Variants in BBX observed in about 807,000 individuals in gnomAD.
BBX encodes BBX high mobility group box domain containing, also known as HMG box transcription factor BBX.
In BBX, 30 loss-of-function variants were observed where a neutral mutation model predicts 100.2. That is an observed-to-expected ratio of 0.30 (90% confidence interval 0.22 to 0.41). BBX has a LOEUF of 0.41. Among genes scored for constraint, BBX ranks in the 10% least tolerant of loss-of-function variants. The pLI is 1.00. For synonymous variants in BBX, 376 were observed against 388.1 expected (o/e 0.97, Z 0.37); for missense variants, 1,023 against 1,129.8 (o/e 0.91, Z 1.35).
intron 17 of BBX, 91 bp from the exon 18 acceptor site, chr3:107,805,279 A>G (rs1027613878): frequency 7.4e-7 from 1 of 1,357,376 alleles, no homozygotes. Context: ...CTGTTAAACA[A>G]GATATTGGAA....
intron 2 of BBX, among the ~76,000 whole-genome samples, chr3:107,544,815 C>T (rs1282361853): frequency 1.4e-5 from 2 of 145,980 alleles, no homozygotes; most frequent in Non-Finnish European, 1.5e-5. Context: ...ACCATCCTGG[C>T]TAACACAGTG....
intron 2 of BBX, among the ~76,000 whole-genome samples, chr3:107,592,528 A>T (rs1203172394): frequency 1.3e-5 from 2 of 152,282 alleles, no homozygotes; most frequent in African/African-American, 4.8e-5. Flanking sequence ...AATACAAGGA[A>T]ATTTTAGGGA....
intron 3 of BBX, among the ~76,000 whole-genome samples, chr3:107,656,599 T>G (rs1296966086): frequency 6.6e-6 from 1 of 152,228 alleles, no homozygotes; most frequent in African/African-American, 2.4e-5. Flanking sequence ...GTGCTCTGGA[T>G]CGTTATCCCT....
chr3:107,586,146 A>G (rs931148431), intron 2 of BBX, among the ~76,000 whole-genome samples: 1 of 152,216 alleles, frequency 6.6e-6, no homozygotes, highest in Non-Finnish European at 1.5e-5. Flanking sequence ...GGCTAAGATA[A>G]TTCACCCACA....
At chr3:107,528,993 G>A (rs1418717159) in intron 2 of BBX, among the ~76,000 whole-genome samples, 3 of 152,072 alleles carry the variant, frequency 2.0e-5, no homozygotes, top group Non-Finnish European at 2.9e-5. Context: ...ATCTTTAATA[G>A]AAATGGTAAA....
chr3:107,737,902 T>G (rs922264511), intron 7 of BBX, among the ~76,000 whole-genome samples: 7 of 143,036 alleles, frequency 4.9e-5, no homozygotes, highest in African/African-American at 1.5e-4. Flanking sequence ...TTTTTTTTTT[T>G]TTTTTTTTTT....
chr3:107,698,098 G>A (rs2060780347), intron 3 of BBX, among the ~76,000 whole-genome samples: 1 of 151,640 alleles, frequency 6.6e-6, no homozygotes, highest in Non-Finnish European at 1.5e-5. Flanking sequence ...CCACTGAATG[G>A]CACTCCCTAG....
At chr3:107,693,224 T>C (rs2108098337) in intron 3 of BBX, among the ~76,000 whole-genome samples, 1 of 151,894 alleles carries the variant, frequency 6.6e-6, no homozygotes, top group African/African-American at 2.4e-5. Flanking sequence ...TTGACAATTT[T>C]GGCTTTTGTT....
intron 7 of BBX, among the ~76,000 whole-genome samples, chr3:107,739,925 T>C (rs553152086): frequency 6.6e-6 from 1 of 152,308 alleles, no homozygotes; most frequent in South Asian, 2.1e-4. Flanking sequence ...GAGTCTGTTC[T>C]GGACTTTCAT....
intron 2 of BBX, among the ~76,000 whole-genome samples, chr3:107,588,291 T>G (rs2107581426): frequency 6.7e-6 from 1 of 149,988 alleles, no homozygotes; most frequent in South Asian, 2.1e-4. Flanking sequence ...AAGAAGTGAC[T>G]GACAGACACT....
chr3:107,598,019 T>C (rs558951945), intron 2 of BBX, among the ~76,000 whole-genome samples: 1 of 152,040 alleles, frequency 6.6e-6, no homozygotes, highest in South Asian at 2.1e-4. Context: ...GACAGGTCAG[T>C]TTTAGGAGAG....
chr3:107,689,026 A>G (rs564576511), intron 3 of BBX, among the ~76,000 whole-genome samples: 1 of 152,336 alleles, frequency 6.6e-6, no homozygotes, highest in African/African-American at 2.4e-5. Context: ...TACACAGCAG[A>G]CAACGACAGG....
rs61081300 is a variant in BBX at position 107,638,780 on chromosome 3, TACACACACACACACACACACACAC to T, written c.-83-7026_-83-7003del. ...TACCAAAAAAAAAAAAAAAAAAGTA[TACACACACACACACACACACACAC>T]ACACACACACACACACACACACACA... is the stretch of plus-strand genomic sequence containing the variant. On this transcript the variant is annotated intron_variant, in intron 2 of 17. Coordinates refer to ENST00000325805, the MANE Select transcript of BBX (RefSeq NM_001142568.3). Among the ~76,000 whole-genome samples the T allele has an allele frequency of 3.9e-3, 394 of 99,880 alleles. 5 individuals carry two copies. Among genetic ancestry groups the T allele is most frequent in the African/African-American group, 0.01 (260 of 24,898 alleles). 65.5% of individuals were successfully genotyped at this position (99,880 alleles called of 152,430 possible). A position where few individuals can be genotyped will look rare whatever the true frequency, so the allele number is the denominator to read the frequency against.
At chr3:107,540,630 A>G (rs570074391) in intron 2 of BBX, among the ~76,000 whole-genome samples, 1 of 152,352 alleles carries the variant, frequency 6.6e-6, no homozygotes, top group South Asian at 2.1e-4. Context: ...TCTAGTGACC[A>G]AAACTGCCAA....
intron 2 of BBX, among the ~76,000 whole-genome samples, chr3:107,582,115 C>T (rs1030954843): frequency 3.3e-5 from 5 of 151,766 alleles, no homozygotes; most frequent in Admixed American, 6.6e-5. Flanking sequence ...ATCAAATTTT[C>T]GCCAAACCTT....
chr3:107,538,642 A>G (rs1347575891), intron 2 of BBX, among the ~76,000 whole-genome samples: 3 of 152,100 alleles, frequency 2.0e-5, no homozygotes, highest in Non-Finnish European at 4.4e-5. Context: ...ATTGATCTTC[A>G]ATTAGCAGTG....
chr3:107,550,833 G>A (rs2049607527), intron 2 of BBX, among the ~76,000 whole-genome samples: 1 of 152,138 alleles, frequency 6.6e-6, no homozygotes, highest in African/African-American at 2.4e-5. Context: ...CATCTAGGGT[G>A]GCCATAGGGA....
At chr3:107,790,523 A>G (rs1056941614) in intron 14 of BBX, among the ~76,000 whole-genome samples, 2 of 151,680 alleles carry the variant, frequency 1.3e-5, no homozygotes, top group Admixed American at 1.3e-4. Context: ...GGGCCTTTAA[A>G]CCTCTTCAGG....
chr3:107,714,560 T>C (rs1222724018), intron 4 of BBX, among the ~76,000 whole-genome samples: 1 of 152,212 alleles, frequency 6.6e-6, no homozygotes, highest in Non-Finnish European at 1.5e-5. Context: ...CTTTTTAGTT[T>C]TTTTTAGCTT....
Sources: gnomAD v4.1 joint callset for allele counts (sites outside exome capture counted in the v4.1 genomes callset) on GRCh38, gnomAD v4.1.1 for gene constraint, MANE v1.5 for transcripts, NCBI Gene and HGNC (gene_info 2026-07-23, HGNC 2026-07-21) for gene names.